MLLT10: variants seen among roughly 807,000 people sequenced by gnomAD.
The protein encoded by MLLT10 is protein AF-10.
In MLLT10, 30 loss-of-function variants were observed where a neutral mutation model predicts 129.1. The observed-to-expected ratio is 0.23, with a 90% CI of 0.17 to 0.32. MLLT10 has a LOEUF of 0.32. Ranked by LOEUF, MLLT10 falls within the 10% of genes least tolerant of loss-of-function variation. The pLI, the probability that MLLT10 is intolerant of heterozygous loss-of-function variation, is 1.00. For missense variants in MLLT10, 1,119 were observed against 1,268.3 expected, an observed-to-expected ratio of 0.88 and a Z score of 1.79; for synonymous variants, 490 against 446.4, an observed-to-expected ratio of 1.10 and a Z score of -1.23.
intron 3 of MLLT10, among the ~76,000 whole-genome samples, chr10:21,584,311 G>A (rs1186691684): frequency 1.3e-5 from 2 of 151,410 alleles, no homozygotes; most frequent in African/African-American, 4.9e-5. Flanking sequence ...CTACAGGCAC[G>A]CACCACCACA....
intron 3 of MLLT10, among the ~76,000 whole-genome samples, chr10:21,555,116 C>G (rs534013546): frequency 6.7e-6 from 1 of 149,268 alleles, no homozygotes; most frequent in African/African-American, 2.5e-5. Flanking sequence ...CCACTGTGCC[C>G]GGCCATACTT....
intron 8 of MLLT10, among the ~76,000 whole-genome samples, chr10:21,623,108 C>T (rs1319044435): frequency 6.6e-6 from 1 of 152,210 alleles, no homozygotes; most frequent in Non-Finnish European, 1.5e-5. Flanking sequence ...CACACAGCAT[C>T]GGTTGTGTTC....
chr10:21,691,839 A>G (rs1482584034), intron 13 of MLLT10, among the ~76,000 whole-genome samples: 3 of 152,008 alleles, frequency 2.0e-5, no homozygotes, highest in African/African-American at 7.2e-5. Flanking sequence ...AAAACTTCCT[A>G]GAAAGAAGGA....
At chr10:21,634,057 T>C (rs973908056) in intron 8 of MLLT10, among the ~76,000 whole-genome samples, 1 of 152,100 alleles carries the variant, frequency 6.6e-6, no homozygotes, top group Non-Finnish European at 1.5e-5. Context: ...CTGGCCAATA[T>C]GGTGAAATCC....
chr10:21,670,457 A>C lies in MLLT10; in HGVS notation c.804A>C (p.Thr268=), dbSNP rs768388790. The change falls in exon 10 of 23, where the codon ACA becomes ACC. Residue 268 remains threonine, a synonymous_variant. Coordinates refer to ENST00000307729, the MANE Select transcript of MLLT10 (RefSeq NM_001195626.3). The part of the protein sequence containing the change: ...SLTVTTEKTY[T]STSNNSISGS... Reference sequence around the variant, plus strand: ...TTGAATCAAAATGTTAGACTTATACAAGCACTAGCAACAACTCTATATCTG... The same window carrying C: ...TTGAATCAAAATGTTAGACTTATACCAGCACTAGCAACAACTCTATATCTG... 2.5e-6 allele frequency: 4 copies of C among 1,609,564 alleles called. No homozygotes were observed. In the Admixed American group the frequency reaches 6.8e-5, roughly 27 times the overall value.
chr10:21,534,490 G>C lies in MLLT10; in HGVS notation c.-31G>C. On this transcript the variant is annotated 5_prime_UTR_variant, in exon 1 of 23. Coordinates refer to ENST00000307729, the MANE Select transcript of MLLT10 (RefSeq NM_001195626.3). Reference sequence around the variant, plus strand: ...AGGACATGGCTCCTGACTCCTGTGCGGAACGTGAGTGACTGAGCGGCAAAG... The same window carrying C: ...AGGACATGGCTCCTGACTCCTGTGCCGAACGTGAGTGACTGAGCGGCAAAG... 1 of 726,792 alleles carries C rather than the reference G, an allele frequency of 1.4e-6. No homozygotes were observed. The highest frequency in any genetic ancestry group is 2.0e-5 in the South Asian group (1 of 50,996). The allele number at this position is 726,792 out of a possible 1,614,324, so 45.0% of individuals were successfully genotyped here.
chr10:21,712,151 C>T (rs1346715514), intron 13 of MLLT10, among the ~76,000 whole-genome samples: 1 of 151,704 alleles, frequency 6.6e-6, no homozygotes, highest in Non-Finnish European at 1.5e-5. Context: ...TTTGTTTTCC[C>T]TGTTTGAATA....
intron 3 of MLLT10, among the ~76,000 whole-genome samples, chr10:21,568,601 T>C (rs2131025975): frequency 1.3e-5 from 2 of 152,176 alleles, no homozygotes; most frequent in African/African-American, 4.8e-5. Context: ...ATTTTTGTCT[T>C]TTTTTTTACC....
chr10:21,616,778 T>G (rs191298348), intron 7 of MLLT10, among the ~76,000 whole-genome samples: 1 of 152,170 alleles, frequency 6.6e-6, no homozygotes, highest in African/African-American at 2.4e-5. Flanking sequence ...CTTGGCACCC[T>G]TTTTTAATAC....
chr10:21,728,330 G>A (rs1432999158), intron 16 of MLLT10, among the ~76,000 whole-genome samples: 1 of 152,196 alleles, frequency 6.6e-6, no homozygotes, highest in African/African-American at 2.4e-5. Context: ...ATTCAGTAAA[G>A]TCGTGTGGTA....
chr10:21,576,081 C>T (rs552289402), intron 3 of MLLT10, among the ~76,000 whole-genome samples: 149 of 151,964 alleles, frequency 9.8e-4, no homozygotes, highest in Non-Finnish European at 1.9e-3. Flanking sequence ...TGTGTGCCAC[C>T]GTGCCTGGCT....
intron 11 of MLLT10, among the ~76,000 whole-genome samples, chr10:21,681,102 A>G (rs2052694698): frequency 6.6e-6 from 1 of 152,196 alleles, no homozygotes; most frequent in Non-Finnish European, 1.5e-5. Flanking sequence ...TTGTAATAAC[A>G]CAGATACATT....
chr10:21,636,926 C>T lies in MLLT10; in HGVS notation c.700-14747C>T, dbSNP rs571313544. On this transcript the variant is annotated intron_variant, in intron 8 of 22. Coordinates refer to ENST00000307729, the MANE Select transcript of MLLT10 (RefSeq NM_001195626.3). ...AGGGAACAGAATCAGCAGATACTAACGGAGTTAGAGATGTTTGCTGAAGTC... is the reference window on the plus strand; with the variant it reads ...AGGGAACAGAATCAGCAGATACTAATGGAGTTAGAGATGTTTGCTGAAGTC... Among the ~76,000 whole-genome samples, 7 of 152,212 alleles carry T rather than the reference C, an allele frequency of 4.6e-5. No homozygotes were observed. In the South Asian group the frequency reaches 8.3e-4, roughly 18 times the overall value.
At chr10:21,685,833 C>G (rs1162470197) in intron 13 of MLLT10, among the ~76,000 whole-genome samples, 1 of 152,132 alleles carries the variant, frequency 6.6e-6, no homozygotes, top group Non-Finnish European at 1.5e-5. Context: ...GGAACTTATT[C>G]TAGGAAAATG....
intron 3 of MLLT10, among the ~76,000 whole-genome samples, chr10:21,568,198 A>G (rs2039811693): frequency 6.6e-6 from 1 of 152,222 alleles, no homozygotes; most frequent in Non-Finnish European, 1.5e-5. Context: ...AGTAGGATAC[A>G]TTAGGCAAAA....
At chr10:21,575,921 T>G (rs1277955225) in intron 3 of MLLT10, among the ~76,000 whole-genome samples, 3 of 152,012 alleles carry the variant, frequency 2.0e-5, no homozygotes, top group Non-Finnish European at 4.4e-5. Flanking sequence ...TTTTTCTTGT[T>G]GTTTGTTTGT....
intron 11 of MLLT10, among the ~76,000 whole-genome samples, chr10:21,681,116 C>T (rs1430989400): frequency 1.3e-5 from 2 of 152,174 alleles, no homozygotes; most frequent in African/African-American, 4.8e-5. Flanking sequence ...ATACATTCCA[C>T]ACACTCCCAT....
At chr10:21,717,544 T>A (rs1366984463) in intron 14 of MLLT10, among the ~76,000 whole-genome samples, 10 of 53,320 alleles carry the variant, frequency 1.9e-4, no homozygotes, top group African/African-American at 7.2e-4. Context: ...TCCTCCTCCC[T>A]TCTTCTTTCT....
At position 21,742,863 on chromosome 10, in the gene MLLT10, G is replaced by A. The variant is rs1007023768; in HGVS notation, c.*880G>A. 5 of 228,798 alleles carry A rather than the reference G, an allele frequency of 2.2e-5. No individual in the cohort carries two copies. The highest frequency in any genetic ancestry group is 4.3e-5 in the Non-Finnish European group (5 of 115,418). The allele number at this position is 228,798 out of a possible 1,614,324, so 14.2% of individuals were successfully genotyped here. On this transcript the variant is annotated 3_prime_UTR_variant, in exon 23 of 23. Coordinates refer to ENST00000307729, the MANE Select transcript of MLLT10 (RefSeq NM_001195626.3). Reference sequence around the variant, plus strand: ...AGCAGCAGGAATCATCCCGTCACCTGCAGCCTTCCCATGCTTCCGCCTTTA... The same window carrying A: ...AGCAGCAGGAATCATCCCGTCACCTACAGCCTTCCCATGCTTCCGCCTTTA...
Sources: allele counts gnomAD v4.1 joint callset (sites outside exome capture counted in the v4.1 genomes callset), GRCh38; gene constraint gnomAD v4.1.1; transcripts MANE v1.5; gene names NCBI Gene and HGNC (gene_info 2026-07-23, HGNC 2026-07-21).